RRP1B: variants seen among roughly 807,000 people sequenced by gnomAD.
The protein encoded by RRP1B is ribosomal RNA processing protein 1 homolog B.
In RRP1B, 56 loss-of-function variants were observed where a neutral mutation model predicts 80.2. The ratio of observed to expected loss-of-function variants is 0.70; its 90% CI spans 0.56 to 0.87. RRP1B has a LOEUF of 0.87. RRP1B is among the 40% of genes least tolerant of loss of function. The pLI is 0.00. For synonymous variants in RRP1B, 351 were observed against 357.6 expected (o/e 0.98, Z 0.21); for missense variants, 807 against 939.8 (o/e 0.86, Z 1.85).
intron 8 of RRP1B, among the ~76,000 whole-genome samples, chr21:43,682,151 T>C (rs1466417214): frequency 6.6e-6 from 1 of 152,170 alleles, no homozygotes; most frequent in Non-Finnish European, 1.5e-5. Flanking sequence ...TTGGTGTAGA[T>C]AACAGAGTTG....
intron 11 of RRP1B, 146 bp from the exon 12 acceptor site, chr21:43,686,658 G>C (rs966645266): frequency 2.4e-5 from 21 of 875,848 alleles, no homozygotes; most frequent in Non-Finnish European, 2.9e-5. Context: ...TGTAATTCCT[G>C]TGTCAGCAGC....
At chr21:43,666,858 T>A (rs773731704) in intron 1 of RRP1B, among the ~76,000 whole-genome samples, 7 of 151,592 alleles carry the variant, frequency 4.6e-5, no homozygotes, top group Non-Finnish European at 8.8e-5. Context: ...TCTTAAAATC[T>A]AACAGTTCTT....
Position 43,693,050 on chromosome 21 carries a change from C to A in RRP1B, c.2084-140C>A. 1 of 785,874 alleles carries A rather than the reference C, an allele frequency of 1.3e-6. No homozygotes were observed. Among genetic ancestry groups the A allele is most frequent in the Non-Finnish European group, 2.0e-6 (1 of 490,638 alleles). The allele number at this position is 785,874 out of a possible 1,614,324, so 48.7% of individuals were successfully genotyped here. On this transcript the variant is annotated intron_variant, in intron 15 of 15. Coordinates refer to ENST00000340648, the MANE Select transcript of RRP1B (RefSeq NM_015056.3). The surrounding 1 kb of genome is among the most constrained non-coding windows in gnomAD (Gnocchi z 4.1). ...TTTCCTCAGAAGGCTCTTGGGCCTG[C>A]TCTCTGCAGGGCCTTGAGATGGCCC...
chr21:43,684,495 C>T (rs1202642653), intron 9 of RRP1B, 58 bp from the exon 10 acceptor site: 3 of 1,454,314 alleles, frequency 2.1e-6, no homozygotes, highest in African/African-American at 1.4e-5. Flanking sequence ...ATGTAAATGG[C>T]CAAGTCAGGC....
At chr21:43,689,562 C>T (rs994450538) in intron 13 of RRP1B, among the ~76,000 whole-genome samples, 9 of 152,226 alleles carry the variant, frequency 5.9e-5, no homozygotes, top group Non-Finnish European at 8.8e-5. Flanking sequence ...GCGCTGCTCC[C>T]TCACTAAGAG....
At position 43,692,000 on chromosome 21, in the gene RRP1B, C is replaced by G. The variant is rs141995760; in HGVS notation, c.2083+498C>G. ...AAGCACCTATGTGTCTGTCCCTCAT[C>G]CTCAAAGGGCTGTGAGTGGGGTGCC... On this transcript the variant is annotated intron_variant, in intron 15 of 15. Coordinates refer to ENST00000340648, the MANE Select transcript of RRP1B (RefSeq NM_015056.3). This position sits in a 1 kb window ranked among gnomAD's most constrained non-coding sequence, Gnocchi z 4.2. 9.2e-5 allele frequency among the ~76,000 whole-genome samples: 14 copies of G among 152,276 alleles called. No homozygotes were observed. Among genetic ancestry groups the G allele is most frequent in the African/African-American group, 3.4e-4 (14 of 41,556 alleles).
At chr21:43,666,253 T>C (rs1229748100) in intron 1 of RRP1B, among the ~76,000 whole-genome samples, 1 of 152,268 alleles carries the variant, frequency 6.6e-6, no homozygotes, top group African/African-American at 2.4e-5. Context: ...CTTACTGGAC[T>C]TGAAGAGAAC....
intron 3 of RRP1B, 49 bp from the exon 4 acceptor site, chr21:43,673,821 A>T: frequency 8.9e-7 from 1 of 1,122,492 alleles, no homozygotes. Context: ...GCTATATGGT[A>T]GTATGTTGAT....
Position 43,659,689 on chromosome 21 carries a change from G to T in RRP1B, c.25G>T (p.Glu9Ter). 6.6e-7 allele frequency: 1 copy of T among 1,523,560 alleles called. No individual in the cohort carries two copies. Among genetic ancestry groups the T allele is most frequent in the Non-Finnish European group, 8.8e-7 (1 of 1,134,886 alleles). 94.4% of individuals were successfully genotyped at this position (1,523,560 alleles called of 1,614,324 possible). A position where few individuals can be genotyped will look rare whatever the true frequency, so the allele number is the denominator to read the frequency against. The change falls in exon 1 of 16, where the codon GAG (glutamate) becomes TAG (stop). Residue 9 changes from glutamate (E) to a stop codon, truncating the protein, a stop_gained. Transcript: ENST00000340648. LOFTEE classifies it high-confidence loss of function. This position sits in a 1 kb window ranked among gnomAD's most constrained non-coding sequence, Gnocchi z 4.2. ...GATGGCCCCCGCCATGCAGCCGGCC[G>T]AGATCCAATTTGCCCAGCGGCTGGC... is the stretch of plus-strand genomic sequence containing the variant. Reference protein sequence around the residue: MAPAMQPAEIQFAQRLASS... With the variant: MAPAMQPA
intron 9 of RRP1B, among the ~76,000 whole-genome samples, chr21:43,683,906 G>A (rs2083052746): frequency 6.7e-6 from 1 of 148,324 alleles, no homozygotes; most frequent in Non-Finnish European, 1.5e-5. Context: ...TTGAACCCGG[G>A]AGGTGGAGGT....
chr21:43,679,924 G>C (rs1421575749), intron 8 of RRP1B, among the ~76,000 whole-genome samples: 1 of 152,096 alleles, frequency 6.6e-6, no homozygotes. Context: ...TGTTGTCATT[G>C]TTGTTTTGGT....
intron 1 of RRP1B, among the ~76,000 whole-genome samples, chr21:43,664,176 C>T (rs927361393): frequency 1.3e-5 from 2 of 152,012 alleles, no homozygotes; most frequent in Non-Finnish European, 2.9e-5. Flanking sequence ...CAGTGGCTCA[C>T]GCCTGTAATC....
intron 1 of RRP1B, among the ~76,000 whole-genome samples, chr21:43,666,816 A>G (rs1457412818): frequency 6.6e-6 from 1 of 152,156 alleles, no homozygotes; most frequent in African/African-American, 2.4e-5. Context: ...AGGACCACCC[A>G]CTGCATTTGG....
intron 10 of RRP1B, 87 bp downstream of exon 10, chr21:43,684,737 T>C: frequency 9.4e-7 from 1 of 1,061,746 alleles, no homozygotes; most frequent in Admixed American, 2.0e-5. Context: ...ATGCTTATCT[T>C]TTTTCTTTCT....
intron 1 of RRP1B, among the ~76,000 whole-genome samples, chr21:43,668,387 C>T (rs939856525): frequency 6.9e-6 from 1 of 145,934 alleles, no homozygotes; most frequent in Non-Finnish European, 1.5e-5. Flanking sequence ...AAGAGACGGA[C>T]TCTCGCTCTG....
intron 6 of RRP1B, among the ~76,000 whole-genome samples, chr21:43,675,854 A>G (rs2083019733): frequency 7.5e-6 from 1 of 132,978 alleles, no homozygotes; most frequent in Non-Finnish European, 1.5e-5. Flanking sequence ...ATTTTATTTT[A>G]TTTTATTTTA....
At chr21:43,666,868 T>C (rs1030524438) in intron 1 of RRP1B, among the ~76,000 whole-genome samples, 6 of 147,434 alleles carry the variant, frequency 4.1e-5, no homozygotes, top group African/African-American at 1.3e-4. Context: ...TAACAGTTCT[T>C]ACCCATCTTT....
chr21:43,686,842 T>G lies in RRP1B; in HGVS notation c.1048T>G (p.Ser350Ala), dbSNP rs1568959836. The G allele has an allele frequency of 6.2e-7, 1 of 1,614,126 alleles. No individual in the cohort carries two copies. Among genetic ancestry groups the G allele is most frequent in the Non-Finnish European group, 8.5e-7 (1 of 1,180,030 alleles). Residue 350 changes from serine (S) to alanine (A), a missense_variant, in exon 12 of 16, where the codon TCT becomes GCT. Physicochemically the swap from Ser to Ala is moderately conservative, Grantham distance 99. Coordinates refer to ENST00000340648, the MANE Select transcript of RRP1B (RefSeq NM_015056.3). Reference protein sequence around the residue: ...ISQLSFAEDISADEDDQILSQ... With the variant: ...ISQLSFAEDIAADEDDQILSQ... Reference sequence around the variant, plus strand: ...TCAACTCAGTTTTGCGGAGGACATTTCTGCTGATGAAGATGACCAAATCCT... The same window carrying G: ...TCAACTCAGTTTTGCGGAGGACATTGCTGCTGATGAAGATGACCAAATCCT...
rs2083071379 is a variant in RRP1B, at chr21:43,688,064, C to A, written c.1690C>A (p.Leu564Met). The A allele has an allele frequency of 1.2e-6, 2 of 1,612,390 alleles. No homozygotes were observed. The highest frequency in any genetic ancestry group is 3.3e-5 in the Admixed American group (2 of 59,922). The change falls in exon 13 of 16, where the codon CTG (leucine) becomes ATG (methionine). Residue 564 changes from leucine to methionine, a missense_variant. Coordinates refer to ENST00000340648, the MANE Select transcript of RRP1B (RefSeq NM_015056.3). Reference protein sequence around the residue: ...PAEGANSHTTLPQRRRLQKKK... With the variant: ...PAEGANSHTTMPQRRRLQKKK... ...AGAGGGGGCGAACAGCCACACCACGCTGCCCCAGCGCAGGAGGCTGCAGAA... is the reference window on the plus strand; with the variant it reads ...AGAGGGGGCGAACAGCCACACCACGATGCCCCAGCGCAGGAGGCTGCAGAA...
Sources: gnomAD v4.1 joint callset for allele counts (sites outside exome capture counted in the v4.1 genomes callset) on GRCh38, gnomAD v4.1.1 for gene constraint, Gnocchi (gnomAD v3.1) non-coding constraint, MANE v1.5 for transcripts, NCBI Gene and HGNC (gene_info 2026-07-23, HGNC 2026-07-21) for gene names.